KIRREL3: variants seen among roughly 807,000 people sequenced by gnomAD.
KIRREL3 encodes the protein kirre like nephrin family adhesion molecule 3.
Under a neutral mutation model 89.7 loss-of-function variants are expected in KIRREL3, and 36 were observed. That is an observed-to-expected ratio of 0.40 (90% CI 0.31 to 0.53). The LOEUF (loss-of-function observed/expected upper bound fraction) is 0.53. KIRREL3 is among the 20% of genes least tolerant of loss of function. KIRREL3 has a pLI of 0.49. For synonymous variants in KIRREL3, 445 were observed against 441.4 expected, an observed-to-expected ratio of 1.01 and a Z score of -0.10; for missense variants, 864 against 1,056.6, an observed-to-expected ratio of 0.82 and a Z score of 2.53.
At position 126,890,854 on chromosome 11, in the gene KIRREL3, G is replaced by C. The variant is rs189826973; in HGVS notation, c.55+109601C>G. 1.3e-5 allele frequency among the ~76,000 whole-genome samples: 2 copies of C among 152,320 alleles called. No homozygotes were observed. The highest frequency in any genetic ancestry group is 6.5e-5 in the Admixed American group (1 of 15,296). ...TGTCCTCAGCATTGTTTCAATAGGAGTCACATGATTTTCCAAAACACAATC... is the reference window on the plus strand; with the variant it reads ...TGTCCTCAGCATTGTTTCAATAGGACTCACATGATTTTCCAAAACACAATC... On this transcript the variant is annotated intron_variant, in intron 1 of 16. Transcript: ENST00000525144. This position sits in a 1 kb window ranked among gnomAD's most constrained non-coding sequence, Gnocchi z 5.1.
intron 1 of KIRREL3, among the ~76,000 whole-genome samples, chr11:126,922,086 T>G (rs1336380230): frequency 1.3e-5 from 2 of 151,148 alleles, no homozygotes; most frequent in Non-Finnish European, 2.9e-5. Flanking sequence ...TCCTATCATC[T>G]ATCTATATCT....
rs552496822 is a variant in KIRREL3, at chr11:126,851,898, C to T, written c.55+148557G>A. Among the ~76,000 whole-genome samples, 12 of 152,330 alleles carry T rather than the reference C, an allele frequency of 7.9e-5. No individual in the cohort carries two copies. The South Asian group carries it at 2.3e-3, about 29-fold the overall frequency. On this transcript the variant is annotated intron_variant, in intron 1 of 16. Transcript: ENST00000525144. Reference sequence around the variant, plus strand: ...GGGCAACTCACTAGCTGCTGTAAAGCAGACCGTGGCTCCTCTACCTCGAGG... The same window carrying T: ...GGGCAACTCACTAGCTGCTGTAAAGTAGACCGTGGCTCCTCTACCTCGAGG...
In KIRREL3 at chr11:126,782,770, G is replaced by A. The variant is rs1228484927; in HGVS notation, c.55+217685C>T. On this transcript the variant is annotated intron_variant, in intron 1 of 16. Coordinates refer to ENST00000525144, the MANE Select transcript of KIRREL3 (RefSeq NM_032531.4). This position sits in a 1 kb window ranked among gnomAD's most constrained non-coding sequence, Gnocchi z 4.1. Reference sequence around the variant, plus strand: ...AATATAGATATAGATGTTATGTATGGAAATATTTATAGCTATGTATATGTG... The same window carrying A: ...AATATAGATATAGATGTTATGTATGAAAATATTTATAGCTATGTATATGTG... Among the ~76,000 whole-genome samples the A allele has an allele frequency of 6.6e-6, 1 of 152,108 alleles. No individual in the cohort carries two copies. Among genetic ancestry groups the A allele is most frequent in the East Asian group, 1.9e-4 (1 of 5,190 alleles).
rs1178326573 is a variant in KIRREL3 at position 126,605,237 on chromosome 11, G to T, written c.56-42325C>A. On this transcript the variant is annotated intron_variant, in intron 1 of 16. Coordinates refer to ENST00000525144, the MANE Select transcript of KIRREL3 (RefSeq NM_032531.4). The surrounding 1 kb of genome is among the most constrained non-coding windows in gnomAD (Gnocchi z 5.7). Reference sequence around the variant, plus strand: ...CCTGGGATCTTACCAAGTCACATTTGCAGTTGGTGCCTCCTTAGTCACTGC... The same window carrying T: ...CCTGGGATCTTACCAAGTCACATTTTCAGTTGGTGCCTCCTTAGTCACTGC... 6.6e-6 allele frequency among the ~76,000 whole-genome samples: 1 copy of T among 152,166 alleles called. No homozygotes were observed. Among genetic ancestry groups the T allele is most frequent in the Non-Finnish European group, 1.5e-5 (1 of 68,040 alleles).
chr11:126,687,517 A>G lies in KIRREL3; in HGVS notation c.56-124605T>C, dbSNP rs1208597349. 6.6e-6 allele frequency among the ~76,000 whole-genome samples: 1 copy of G among 152,210 alleles called. No individual in the cohort carries two copies. Among genetic ancestry groups the G allele is most frequent in the African/African-American group, 2.4e-5 (1 of 41,444 alleles). On this transcript the variant is annotated intron_variant, in intron 1 of 16. Transcript: ENST00000525144. The surrounding 1 kb of genome is among the most constrained non-coding windows in gnomAD (Gnocchi z 4.6). Reference sequence around the variant, plus strand: ...ATTCCCATGGAGCTGCTAGTTCTGGAAACACTATGGGGGAAATTGCAGGGT... The same window carrying G: ...ATTCCCATGGAGCTGCTAGTTCTGGGAACACTATGGGGGAAATTGCAGGGT...
rs140253102 is a variant in KIRREL3, at chr11:126,694,106, T to C, written c.56-131194A>G. ...TGAATTGGCAAGTTGCAGCAGGAGA[T>C]GGGAGCATGGGCTCCATCCCTAAGG... On this transcript the variant is annotated intron_variant, in intron 1 of 16. Coordinates refer to ENST00000525144, the MANE Select transcript of KIRREL3 (RefSeq NM_032531.4). This position sits in a 1 kb window ranked among gnomAD's most constrained non-coding sequence, Gnocchi z 4.4. 5.6e-3 allele frequency among the ~76,000 whole-genome samples: 860 copies of C among 152,340 alleles called. 1 individual carries two copies. The highest frequency in any genetic ancestry group is 8.5e-3 in the Non-Finnish European group (578 of 68,026).
At chr11:126,851,870 G>T (rs932042897) in intron 1 of KIRREL3, among the ~76,000 whole-genome samples, 1 of 151,982 alleles carries the variant, frequency 6.6e-6, no homozygotes, top group African/African-American at 2.4e-5. Flanking sequence ...ATATAAACAA[G>T]CCGGGCAACT....
rs546391149 is a variant in KIRREL3 at position 126,766,187 on chromosome 11, C to T, written c.56-203275G>A. 2.0e-5 allele frequency among the ~76,000 whole-genome samples: 3 copies of T among 152,032 alleles called. No individual in the cohort carries two copies. Among genetic ancestry groups the T allele is most frequent in the South Asian group, 4.2e-4 (2 of 4,800 alleles). On this transcript the variant is annotated intron_variant, in intron 1 of 16. Coordinates refer to ENST00000525144, the MANE Select transcript of KIRREL3 (RefSeq NM_032531.4). This position sits in a 1 kb window ranked among gnomAD's most constrained non-coding sequence, Gnocchi z 4.2. ...CCCACACTAACTGGAGTCTCTACCT[C>T]TCTCCTCCTCCCCTCTCTTCTCCTT...
chr11:126,839,005 A>G (rs1238459079), intron 1 of KIRREL3, among the ~76,000 whole-genome samples: 3 of 152,218 alleles, frequency 2.0e-5, no homozygotes, highest in Non-Finnish European at 4.4e-5. Context: ...GAGGTACTGC[A>G]TGGGCTGCCT....
chr11:126,978,978 A>G lies in KIRREL3; in HGVS notation c.55+21477T>C, dbSNP rs1357872471. Among the ~76,000 whole-genome samples, 1 of 152,228 alleles carries G rather than the reference A, an allele frequency of 6.6e-6. No homozygotes were observed. The highest frequency in any genetic ancestry group is 1.5e-5 in the Non-Finnish European group (1 of 68,040). On this transcript the variant is annotated intron_variant, in intron 1 of 16. Transcript: ENST00000525144. This position sits in a 1 kb window ranked among gnomAD's most constrained non-coding sequence, Gnocchi z 4.2. Reference sequence around the variant, plus strand: ...CAACAAGGGTTGCCAGAAATGGGAAACATAATTTCAAGGGGGAGAATGGCA... The same window carrying G: ...CAACAAGGGTTGCCAGAAATGGGAAGCATAATTTCAAGGGGGAGAATGGCA...
rs1732753453 is a variant in KIRREL3 at position 126,837,927 on chromosome 11, G to A, written c.55+162528C>T. On this transcript the variant is annotated intron_variant, in intron 1 of 16. Transcript: ENST00000525144. This position sits in a 1 kb window ranked among gnomAD's most constrained non-coding sequence, Gnocchi z 4.7. ...CAGAAATAGGTCTAGGATATAATCT[G>A]TAGTTAAATGCATAGTTGATTTATC... Among the ~76,000 whole-genome samples the A allele has an allele frequency of 6.6e-6, 1 of 152,146 alleles. No homozygotes were observed. Among genetic ancestry groups the A allele is most frequent in the Non-Finnish European group, 1.5e-5 (1 of 68,042 alleles).
At chr11:126,961,409 G>A (rs1949082662) in intron 1 of KIRREL3, among the ~76,000 whole-genome samples, 1 of 152,220 alleles carries the variant, frequency 6.6e-6, no homozygotes, top group Non-Finnish European at 1.5e-5. Flanking sequence ...CTGCTATAGA[G>A]AAACTTCTGG....
chr11:126,580,899 A>G (rs779760486), intron 1 of KIRREL3, among the ~76,000 whole-genome samples: 8 of 145,722 alleles, frequency 5.5e-5, no homozygotes, highest in Non-Finnish European at 1.0e-4. Flanking sequence ...TCTCAATGGC[A>G]TCATCCCCTT....
At chr11:126,914,849 A>G (rs1490694276) in intron 1 of KIRREL3, among the ~76,000 whole-genome samples, 2 of 152,244 alleles carry the variant, frequency 1.3e-5, no homozygotes, top group African/African-American at 2.4e-5. Flanking sequence ...TTAACATGCA[A>G]CAAGTCTTGC....
In KIRREL3 at chr11:126,872,866, C is replaced by T. The variant is rs996062583; in HGVS notation, c.55+127589G>A. 2.0e-5 allele frequency among the ~76,000 whole-genome samples: 3 copies of T among 152,192 alleles called. No homozygotes were observed. Among genetic ancestry groups the T allele is most frequent in the Admixed American group, 2.0e-4 (3 of 15,278 alleles). On this transcript the variant is annotated intron_variant, in intron 1 of 16. Transcript: ENST00000525144. This position sits in a 1 kb window ranked among gnomAD's most constrained non-coding sequence, Gnocchi z 4.2. ...GTAGCCCAGCTCTGGGAGCAGGCCT[C>T]CTGGGCATCTAAGTGACGGCCACTG...
chr11:126,870,544 C>T lies in KIRREL3; in HGVS notation c.55+129911G>A, dbSNP rs1186603354. On this transcript the variant is annotated intron_variant, in intron 1 of 16. Coordinates refer to ENST00000525144, the MANE Select transcript of KIRREL3 (RefSeq NM_032531.4). This position sits in a 1 kb window ranked among gnomAD's most constrained non-coding sequence, Gnocchi z 4.4. ...GCTCAGTAGAATGCAGCTTCCTGGC[C>T]CGGCTCCCATAGTGGCCCCTCCTGG... 6.6e-6 allele frequency among the ~76,000 whole-genome samples: 1 copy of T among 152,206 alleles called. No homozygotes were observed. The highest frequency in any genetic ancestry group is 2.4e-5 in the African/African-American group (1 of 41,454).
intron 1 of KIRREL3, among the ~76,000 whole-genome samples, chr11:126,667,111 C>T (rs1945697828): frequency 6.6e-6 from 1 of 152,212 alleles, no homozygotes; most frequent in South Asian, 2.1e-4. Flanking sequence ...CAGACTACTC[C>T]ATGATGGAGG....
intron 1 of KIRREL3, among the ~76,000 whole-genome samples, chr11:126,819,452 C>T (rs576436575): frequency 3.4e-4 from 52 of 152,300 alleles, no homozygotes; most frequent in African/African-American, 1.2e-3. Flanking sequence ...CAGGAGTGGG[C>T]AGGGCCATTG....
chr11:126,591,922 C>A (rs1014841975), intron 1 of KIRREL3, among the ~76,000 whole-genome samples: 8 of 152,174 alleles, frequency 5.3e-5, no homozygotes, highest in Non-Finnish European at 1.2e-4. Context: ...GGCCCTCTCA[C>A]CACCCCTGGA....
Sources: allele counts gnomAD v4.1 joint callset (sites outside exome capture counted in the v4.1 genomes callset), GRCh38; gene constraint gnomAD v4.1.1; non-coding constraint Gnocchi (gnomAD v3.1); transcripts MANE v1.5; gene names NCBI Gene and HGNC (gene_info 2026-07-23, HGNC 2026-07-21).